The following MED12L variants were observed in gnomAD, a reference collection of about 807,000 sequenced individuals.
MED12L encodes mediator of RNA polymerase II transcription subunit 12-like protein.
MED12L carries 60 observed loss-of-function variants against 281.3 expected under a neutral mutation model. The ratio of observed to expected loss-of-function variants is 0.21; its 90% CI spans 0.17 to 0.26. The LOEUF (loss-of-function observed/expected upper bound fraction) is 0.26. Among genes scored for constraint, MED12L ranks in the 10% least tolerant of loss-of-function variants. The pLI is 1.00. For missense variants in MED12L, 2,146 were observed against 2,680.9 expected (o/e 0.80, Z 4.41); for synonymous variants, 974 against 987.2 (o/e 0.99, Z 0.25).
At chr3:151,247,235 C>T (rs1038843211) in intron 16 of MED12L, among the ~76,000 whole-genome samples, 2 of 152,010 alleles carry the variant, frequency 1.3e-5, no homozygotes, top group African/African-American at 4.8e-5. Context: ...ACTGGAAATA[C>T]CATTTGACCC....
At chr3:151,263,765 C>T (rs964112831) in intron 16 of MED12L, among the ~76,000 whole-genome samples, 1 of 34,372 alleles carries the variant, frequency 2.9e-5, no homozygotes, top group Non-Finnish European at 5.3e-5. Flanking sequence ...CCCGTACCAC[C>T]CCCCCCACTT....
At chr3:151,154,223 T>C (rs1276777629) in intron 5 of MED12L, among the ~76,000 whole-genome samples, 1 of 152,198 alleles carries the variant, frequency 6.6e-6, no homozygotes, top group African/African-American at 2.4e-5. Context: ...AGCTATCTGA[T>C]TGACATAACT....
chr3:151,153,496 C>G (rs1209308476), intron 5 of MED12L, among the ~76,000 whole-genome samples: 1 of 151,534 alleles, frequency 6.6e-6, no homozygotes, highest in African/African-American at 2.4e-5. Context: ...TTTGTATTTT[C>G]TACCCCTGAA....
intron 21 of MED12L, among the ~76,000 whole-genome samples, chr3:151,361,555 C>G (rs2150081249): frequency 6.6e-6 from 1 of 152,230 alleles, no homozygotes; most frequent in East Asian, 1.9e-4. Flanking sequence ...GTCAATACAT[C>G]TTATTGCTGA....
chr3:151,142,962 G>T (rs1466105772), intron 5 of MED12L, among the ~76,000 whole-genome samples: 2 of 152,080 alleles, frequency 1.3e-5, no homozygotes, highest in Non-Finnish European at 2.9e-5. Flanking sequence ...GAATTCATAG[G>T]GTATGCCGGG....
chr3:151,354,671 A>G (rs1046735794), intron 17 of MED12L, among the ~76,000 whole-genome samples: 26 of 152,232 alleles, frequency 1.7e-4, no homozygotes, highest in Admixed American at 1.7e-3. Context: ...ACTCACTAGA[A>G]TGGTTAAGTA....
rs563104925 is a variant in MED12L at position 151,108,848 on chromosome 3, A to G, written c.100-7490A>G. Among the ~76,000 whole-genome samples, 4 of 152,260 alleles carry G rather than the reference A, an allele frequency of 2.6e-5. No homozygotes were observed. The East Asian group carries it at 7.7e-4, about 29-fold the overall frequency. On this transcript the variant is annotated intron_variant, in intron 2 of 44. Transcript: ENST00000687756. ...TGAGATGGCCATTGAAAATTGTGTT[A>G]AACTGAGCTTATTTTTTTCTTGAGT...
intron 16 of MED12L, among the ~76,000 whole-genome samples, chr3:151,238,462 T>A (rs1027727971): frequency 5.9e-5 from 9 of 152,240 alleles, no homozygotes; most frequent in Non-Finnish European, 1.3e-4. Flanking sequence ...CAGTGGTTTT[T>A]AAAATGTGGT....
At chr3:151,374,925 G>A (rs540758397) in intron 27 of MED12L, among the ~76,000 whole-genome samples, 3 of 151,812 alleles carry the variant, frequency 2.0e-5, no homozygotes, top group African/African-American at 7.3e-5. Context: ...TGTTTTAAAA[G>A]TTCTCTTATA....
At chr3:151,218,405 CTGTT>C (rs769683687) in intron 16 of MED12L, among the ~76,000 whole-genome samples, 48 of 152,258 alleles carry the variant, frequency 3.2e-4, no homozygotes, top group Middle Eastern at 3.4e-3. Context: ...GTGTAGGTGT[CTGTT>C]TGTGGAGCCC....
intron 17 of MED12L, among the ~76,000 whole-genome samples, chr3:151,354,472 A>G (rs1203824688): frequency 6.6e-6 from 1 of 152,172 alleles, no homozygotes; most frequent in East Asian, 1.9e-4. Flanking sequence ...TTTTTAAAAA[A>G]TATATTAAAC....
rs1442645045 is a variant in MED12L, at chr3:151,367,617, A to T, written c.3328-29A>T. ...GATACTGCTTACAAGGTTGTTAGGT[A>T]TTAAAACCTGTCAATGTTTTTCTTG... On this transcript the variant is annotated intron_variant, in intron 23 of 44. Coordinates refer to ENST00000687756, the MANE Select transcript of MED12L (RefSeq NM_001393769.1). The T allele has an allele frequency of 1.9e-6, 3 of 1,588,776 alleles. No individual in the cohort carries two copies. The African/African-American group carries it at 4.0e-5, about 21-fold the overall frequency.
intron 8 of MED12L, among the ~76,000 whole-genome samples, chr3:151,160,502 G>A (rs1481246619): frequency 1.3e-5 from 2 of 152,146 alleles, no homozygotes; most frequent in African/African-American, 2.4e-5. Context: ...ATCGGGTTCC[G>A]TTCGTCTTCC....
At chr3:151,400,935 G>T (rs566704053) in intron 39 of MED12L, among the ~76,000 whole-genome samples, 1 of 152,180 alleles carries the variant, frequency 6.6e-6, no homozygotes, top group African/African-American at 2.4e-5. Flanking sequence ...TACAGATGTG[G>T]ATGAGTCTCC....
At chr3:151,300,234 T>C (rs1346481747) in intron 16 of MED12L, 7 of 728,832 alleles carry the variant, frequency 9.6e-6, no homozygotes, top group Non-Finnish European at 1.8e-5. Flanking sequence ...AAAAATCATC[T>C]GGGAAGGAAT....
chr3:151,405,481 C>T (rs1716190790), intron 39 of MED12L, among the ~76,000 whole-genome samples: 2 of 152,172 alleles, frequency 1.3e-5, no homozygotes, highest in Admixed American at 6.5e-5. Context: ...CAAAAACCAT[C>T]TTCCTGCAGG....
intron 11 of MED12L, among the ~76,000 whole-genome samples, chr3:151,179,082 G>A (rs1722414903): frequency 6.6e-6 from 1 of 152,148 alleles, no homozygotes; most frequent in Non-Finnish European, 1.5e-5. Context: ...GCTCATACTG[G>A]TAATGCCAGC....
At chr3:151,213,679 A>G in intron 16 of MED12L, 1 of 1,614,152 alleles carries the variant, frequency 6.2e-7, no homozygotes, top group Non-Finnish European at 8.5e-7. Context: ...GGACTTAAAG[A>G]TTTTCTTTGT....
chr3:151,106,575 C>T (rs1435302266), intron 2 of MED12L, among the ~76,000 whole-genome samples: 1 of 152,112 alleles, frequency 6.6e-6, no homozygotes, highest in African/African-American at 2.4e-5. Context: ...CCAACCTGTA[C>T]TGCTTCATTC....
Sources: allele counts gnomAD v4.1 joint callset (sites outside exome capture counted in the v4.1 genomes callset), GRCh38; gene constraint gnomAD v4.1.1; transcripts MANE v1.5; gene names NCBI Gene and HGNC (gene_info 2026-07-23, HGNC 2026-07-21).